USP12: variants seen among roughly 807,000 people sequenced by gnomAD.
The protein encoded by USP12 is ubiquitin carboxyl-terminal hydrolase 12.
A neutral mutation model predicts 45.5 loss-of-function variants in USP12; 19 were observed. That is an observed-to-expected ratio of 0.42 (90% CI 0.29 to 0.61). The LOEUF (loss-of-function observed/expected upper bound fraction) is 0.61. USP12 is among the 20% of genes least tolerant of loss of function. USP12 has a pLI of 0.22. For synonymous variants in USP12, 149 were observed against 148.8 expected, an observed-to-expected ratio of 1.00 and a Z score of -0.01; for missense variants, 242 against 447.7, an observed-to-expected ratio of 0.54 and a Z score of 4.15.
At chr13:27,154,926 G>C (rs932903755) in intron 1 of USP12, among the ~76,000 whole-genome samples, 6 of 151,904 alleles carry the variant, frequency 3.9e-5, no homozygotes, top group African/African-American at 1.5e-4. Context: ...CAGGGGCCAG[G>C]AGCCAAAAGG....
At chr13:27,164,560 T>C (rs1878267627) in intron 1 of USP12, among the ~76,000 whole-genome samples, 1 of 152,132 alleles carries the variant, frequency 6.6e-6, no homozygotes, top group Non-Finnish European at 1.5e-5. Flanking sequence ...TCTTCGAGTT[T>C]TGCTGTGAGA....
chr13:27,135,528 C>T (rs954401789), intron 1 of USP12, among the ~76,000 whole-genome samples: 1 of 152,074 alleles, frequency 6.6e-6, no homozygotes, highest in African/African-American at 2.4e-5. Context: ...GCCTGGCCAA[C>T]ATGGTGAAAC....
At chr13:27,164,321 G>A (rs1878253193) in intron 1 of USP12, among the ~76,000 whole-genome samples, 1 of 152,120 alleles carries the variant, frequency 6.6e-6, no homozygotes, top group African/African-American at 2.4e-5. Context: ...GTTTTCAGTT[G>A]GAAATAAATT....
intron 4 of USP12, among the ~76,000 whole-genome samples, chr13:27,093,571 T>C (rs1874420575): frequency 6.6e-6 from 1 of 152,172 alleles, no homozygotes; most frequent in East Asian, 1.9e-4. Flanking sequence ...TCACTGCTGG[T>C]AAGAAGGAAA....
chr13:27,151,726 C>T (rs1164188087), intron 1 of USP12, among the ~76,000 whole-genome samples: 2 of 152,056 alleles, frequency 1.3e-5, no homozygotes, highest in African/African-American at 4.8e-5. Context: ...AAGGGATGAT[C>T]ATGTCACTAC....
intron 6 of USP12, among the ~76,000 whole-genome samples, chr13:27,087,524 G>A (rs898285411): frequency 3.9e-5 from 6 of 152,184 alleles, no homozygotes; most frequent in African/African-American, 1.4e-4. Context: ...ATGCAGATGT[G>A]AAAAGTGTGT....
chr13:27,075,821 T>C (rs956916479), intron 6 of USP12, among the ~76,000 whole-genome samples: 8 of 151,936 alleles, frequency 5.3e-5, no homozygotes, highest in African/African-American at 1.7e-4. Flanking sequence ...CCTGAGGTCA[T>C]GAGTTCAAGA....
intron 2 of USP12, among the ~76,000 whole-genome samples, chr13:27,109,796 C>A (rs1211906107): frequency 1.3e-5 from 2 of 151,326 alleles, no homozygotes; most frequent in Non-Finnish European, 2.9e-5. Context: ...GTAATCCCAG[C>A]TACTCGGGAG....
intron 1 of USP12, among the ~76,000 whole-genome samples, chr13:27,145,937 A>G (rs1034011454): frequency 6.6e-6 from 1 of 152,188 alleles, no homozygotes; most frequent in African/African-American, 2.4e-5. Context: ...TTTTGTTTTA[A>G]AAATCATGTT....
At chr13:27,139,563 CCGAGATCGCGCCA>C (rs1876961998) in intron 1 of USP12, among the ~76,000 whole-genome samples, 1 of 152,126 alleles carries the variant, frequency 6.6e-6, no homozygotes, top group East Asian at 1.9e-4. Context: ...CTGCAGTGAG[CCGAGATCGCGCCA>C]CTGCACTCCA....
intron 4 of USP12, among the ~76,000 whole-genome samples, chr13:27,095,108 T>C (rs923890876): frequency 1.3e-5 from 2 of 152,160 alleles, no homozygotes; most frequent in Non-Finnish European, 2.9e-5. Context: ...TGAGCTGAGA[T>C]TGGGCCACTG....
chr13:27,170,158 A>G (rs958230841), intron 1 of USP12: 9 of 396,264 alleles, frequency 2.3e-5, no homozygotes, highest in African/African-American at 1.2e-4. Context: ...ACTGTGAGAA[A>G]GAACAATCAT....
At chr13:27,146,866 G>GT (rs1877331258) in intron 1 of USP12, among the ~76,000 whole-genome samples, 1 of 152,176 alleles carries the variant, frequency 6.6e-6, no homozygotes. Context: ...GGTCATGAAG[G>GT]TAATTCCTAA....
At chr13:27,069,933 C>T (rs972354192) in intron 8 of USP12, among the ~76,000 whole-genome samples, 1 of 152,084 alleles carries the variant, frequency 6.6e-6, no homozygotes, top group African/African-American at 2.4e-5. Flanking sequence ...GGTAACAAGA[C>T]TGTCTCCCAA....
Position 27,068,506 on chromosome 13 carries a change from G to A in USP12, c.*777C>T, listed in dbSNP as rs1003317562. On this transcript the variant is annotated 3_prime_UTR_variant, in exon 9 of 9. Transcript: ENST00000282344. ...CCTTAAAAATAGAAACAAACAAAAG[G>A]ACAACTTAAACTGACATTAACTAAT... 6.6e-6 allele frequency: 1 copy of A among 152,152 alleles called. No homozygotes were observed. Among genetic ancestry groups the A allele is most frequent in the African/African-American group, 2.4e-5 (1 of 41,356 alleles). The allele number at this position is 152,152 out of a possible 1,614,324, so 9.4% of individuals were successfully genotyped here.
intron 3 of USP12, among the ~76,000 whole-genome samples, chr13:27,097,302 C>T (rs758743361): frequency 2.0e-5 from 3 of 152,118 alleles, no homozygotes; most frequent in South Asian, 2.1e-4. Context: ...TCCGTCTCTA[C>T]TAAATACAAA....
chr13:27,106,006 C>G (rs888035417), intron 2 of USP12, 62 bp from the exon 3 acceptor site: 5 of 1,413,156 alleles, frequency 3.5e-6, no homozygotes, highest in Non-Finnish European at 4.8e-6. Flanking sequence ...GAGAGAAATT[C>G]CCGGTATATG....
intron 6 of USP12, among the ~76,000 whole-genome samples, chr13:27,079,219 C>CG (rs1363080913): frequency 8.4e-4 from 12 of 14,286 alleles, no homozygotes; most frequent in Admixed American, 2.7e-3. Flanking sequence ...CTGTGTGGGG[C>CG]GGGGGGGAGT....
At chr13:27,099,429 G>A (rs1048556118) in intron 3 of USP12, among the ~76,000 whole-genome samples, 2 of 152,026 alleles carry the variant, frequency 1.3e-5, no homozygotes, top group East Asian at 3.9e-4. Context: ...CAAGCAATCT[G>A]CCTGTCTATT....
Sources: gnomAD v4.1 joint callset for allele counts (sites outside exome capture counted in the v4.1 genomes callset) on GRCh38, gnomAD v4.1.1 for gene constraint, MANE v1.5 for transcripts, NCBI Gene and HGNC (gene_info 2026-07-23, HGNC 2026-07-21) for gene names.